BNC2: variants seen among roughly 807,000 people sequenced by gnomAD.
BNC2 encodes the protein basonuclin zinc finger protein 2.
BNC2 carries 20 observed loss-of-function variants against 76.3 expected under a neutral mutation model. The observed-to-expected ratio is 0.26, with a 90% CI of 0.18 to 0.38. The LOEUF is 0.38. BNC2 is among the 10% of genes least tolerant of loss of function. The pLI is 1.00. For missense variants in BNC2, 1,382 were observed against 1,399.8 expected (o/e 0.99, Z 0.20); for synonymous variants, 582 against 514.8 (o/e 1.13, Z -1.77).
intron 1 of BNC2, among the ~76,000 whole-genome samples, chr9:16,748,419 G>T (rs1356262265): frequency 6.6e-6 from 1 of 152,064 alleles, no homozygotes; most frequent in Non-Finnish European, 1.5e-5. Context: ...AGGCTGAGGT[G>T]GGAGGGTCAC....
intron 1 of BNC2, among the ~76,000 whole-genome samples, chr9:16,750,550 A>G (rs1825159230): frequency 6.6e-6 from 1 of 152,332 alleles, no homozygotes; most frequent in East Asian, 1.9e-4. Flanking sequence ...ATCCCTCCAG[A>G]ATGCCTGGCA....
chr9:16,684,570 C>T (rs563387621), intron 3 of BNC2, among the ~76,000 whole-genome samples: 1 of 152,232 alleles, frequency 6.6e-6, no homozygotes, highest in African/African-American at 2.4e-5. Flanking sequence ...TCTCTCTTCT[C>T]ATTTGTGGTT....
At chr9:16,596,123 G>A (rs996913976) in intron 3 of BNC2, among the ~76,000 whole-genome samples, 10 of 152,178 alleles carry the variant, frequency 6.6e-5, no homozygotes, top group African/African-American at 2.4e-4. Context: ...TTTTCATATG[G>A]TGCCTTTCTA....
At chr9:16,870,352 C>T (rs1444947424) in intron 1 of BNC2, among the ~76,000 whole-genome samples, 8 of 152,242 alleles carry the variant, frequency 5.3e-5, no homozygotes, top group Admixed American at 5.2e-4. Flanking sequence ...CACCTTCGCG[C>T]GGAAGCCGCG....
intron 5 of BNC2, among the ~76,000 whole-genome samples, chr9:16,452,049 T>C (rs1390111507): frequency 6.6e-6 from 1 of 152,196 alleles, no homozygotes; most frequent in Non-Finnish European, 1.5e-5. Flanking sequence ...GTCGAGTGCT[T>C]TTCCTAAAAA....
chr9:16,789,861 A>G (rs111636280), intron 1 of BNC2, among the ~76,000 whole-genome samples: 18 of 152,324 alleles, frequency 1.2e-4, no homozygotes, highest in South Asian at 8.3e-4. Flanking sequence ...ATGTTTCTTA[A>G]AGGCAGGTTT....
At chr9:16,448,834 TG>T (rs1821281096) in intron 5 of BNC2, among the ~76,000 whole-genome samples, 1 of 152,256 alleles carries the variant, frequency 6.6e-6, no homozygotes, top group Non-Finnish European at 1.5e-5. Flanking sequence ...AGGCTGTTAA[TG>T]GATCTACTTT....
intron 3 of BNC2, among the ~76,000 whole-genome samples, chr9:16,643,199 G>T (rs374702944): frequency 1.3e-5 from 2 of 151,678 alleles, no homozygotes; most frequent in East Asian, 3.9e-4. Context: ...CCAGCTACTC[G>T]GGAGGCTGAG....
intron 5 of BNC2, among the ~76,000 whole-genome samples, chr9:16,541,557 C>T (rs1818321563): frequency 1.3e-5 from 2 of 152,332 alleles, no homozygotes; most frequent in Middle Eastern, 6.8e-3. Context: ...GATGACAGCA[C>T]AGAGACAAGT....
chr9:16,699,313 T>G (rs1051223535), intron 3 of BNC2: 2 of 416,804 alleles, frequency 4.8e-6, no homozygotes, highest in Non-Finnish European at 9.5e-6. Flanking sequence ...AGTCCCTTGA[T>G]GGAAATGTAT....
chr9:16,435,492 C>T lies in BNC2; in HGVS notation c.2639+63G>A, dbSNP rs561106543. 126 of 1,579,140 alleles carry T rather than the reference C, an allele frequency of 8.0e-5. 1 individual carries two copies. In the Admixed American group the frequency reaches 2.1e-3, roughly 26 times the overall value. On this transcript the variant is annotated intron_variant, in intron 6 of 6. Coordinates refer to ENST00000380672, the MANE Select transcript of BNC2 (RefSeq NM_017637.6). ...GTTGGATTTCTTTTAGTGTGAAGTC[C>T]AACATGACTGAAAACTGGCACCCTC...
chr9:16,728,600 G>T (rs1824419305), intron 2 of BNC2, among the ~76,000 whole-genome samples: 1 of 151,160 alleles, frequency 6.6e-6, no homozygotes. Context: ...TGTAAAGTTG[G>T]CTCAGTTATG....
intron 4 of BNC2, among the ~76,000 whole-genome samples, chr9:16,567,909 CAATT>C (rs1819213276): frequency 6.6e-6 from 1 of 152,118 alleles, no homozygotes; most frequent in African/African-American, 2.4e-5. Flanking sequence ...TAGAATAAAA[CAATT>C]AAAAATCTGT....
At chr9:16,602,320 C>T (rs1254125031) in intron 3 of BNC2, among the ~76,000 whole-genome samples, 1 of 152,108 alleles carries the variant, frequency 6.6e-6, no homozygotes. Context: ...TACTACTAAT[C>T]ATCTTAATTA....
chr9:16,677,213 G>A lies in BNC2; in HGVS notation c.330+50584C>T, dbSNP rs142000466. On this transcript the variant is annotated intron_variant, in intron 3 of 6. Transcript: ENST00000380672. ...AATCTCCTTCAATCTGTCCGACAGT[G>A]TCAAGAGATAGGCTGAAGAACTCAT... 5.3e-5 allele frequency among the ~76,000 whole-genome samples: 8 copies of A among 152,278 alleles called. No homozygotes were observed. The East Asian group carries it at 1.5e-3, about 29-fold the overall frequency.
chr9:16,765,266 G>T (rs1193148249), intron 1 of BNC2, among the ~76,000 whole-genome samples: 2 of 152,070 alleles, frequency 1.3e-5, no homozygotes, highest in African/African-American at 4.8e-5. Context: ...GTAATTTTAT[G>T]AATTGAAAAT....
At chr9:16,869,769 G>C (rs572718980) in intron 1 of BNC2, among the ~76,000 whole-genome samples, 1 of 152,314 alleles carries the variant, frequency 6.6e-6, no homozygotes, top group African/African-American at 2.4e-5. Context: ...TTCTCGTAGA[G>C]GGGCTGTGCT....
At chr9:16,621,780 C>A (rs541770674) in intron 3 of BNC2, among the ~76,000 whole-genome samples, 52 of 152,036 alleles carry the variant, frequency 3.4e-4, no homozygotes, top group Non-Finnish European at 6.2e-4. Context: ...GTGTAAAATA[C>A]ACTGAATTTT....
intron 4 of BNC2, among the ~76,000 whole-genome samples, chr9:16,562,461 T>C (rs1819043043): frequency 1.3e-5 from 2 of 152,196 alleles, no homozygotes; most frequent in South Asian, 2.1e-4. Context: ...TGGATAGAAA[T>C]GTTACCTAAT....
Sources: allele counts gnomAD v4.1 joint callset (sites outside exome capture counted in the v4.1 genomes callset), GRCh38; gene constraint gnomAD v4.1.1; transcripts MANE v1.5; gene names NCBI Gene and HGNC (gene_info 2026-07-23, HGNC 2026-07-21).